CADM2: variants seen among roughly 807,000 people sequenced by gnomAD.
CADM2 encodes cell adhesion molecule 2.
In CADM2, 12 loss-of-function variants were observed where a neutral mutation model predicts 49.8. That is an observed-to-expected ratio of 0.24 (90% CI 0.15 to 0.39). The LOEUF (loss-of-function observed/expected upper bound fraction) is 0.39. Ranked by LOEUF, CADM2 falls within the 10% of genes least tolerant of loss-of-function variation. The pLI, the probability that CADM2 is intolerant of heterozygous loss-of-function variation, is 1.00. For missense variants in CADM2, 378 were observed against 492.3 expected (o/e 0.77, Z 2.20); for synonymous variants, 214 against 175.4 (o/e 1.22, Z -1.74).
intron 1 of CADM2, among the ~76,000 whole-genome samples, chr3:85,095,640 A>G (rs1404896098): frequency 1.3e-5 from 2 of 152,202 alleles, no homozygotes; most frequent in Non-Finnish European, 2.9e-5. Context: ...CCCTAAATAC[A>G]TATTAGTATA....
intron 1 of CADM2, among the ~76,000 whole-genome samples, chr3:85,290,396 A>G (rs1172433321): frequency 6.6e-6 from 1 of 152,224 alleles, no homozygotes; most frequent in Non-Finnish European, 1.5e-5. Context: ...TTGCTTAGGT[A>G]AACAAAGCAG....
intron 3 of CADM2, among the ~76,000 whole-genome samples, chr3:85,829,853 T>C (rs1205271923): frequency 6.6e-6 from 1 of 152,046 alleles, no homozygotes; most frequent in Non-Finnish European, 1.5e-5. Flanking sequence ...AATTTCCCTT[T>C]TTTAAAAGGC....
chr3:85,943,805 T>G lies in CADM2; in HGVS notation c.791+7948T>G, dbSNP rs141006024. Among the ~76,000 whole-genome samples, 288 of 151,854 alleles carry G rather than the reference T, an allele frequency of 1.9e-3. 1 individual carries two copies. Among genetic ancestry groups the G allele is most frequent in the African/African-American group, 6.6e-3 (274 of 41,494 alleles). The stretch of plus-strand genomic sequence containing the variant: ...GAAAAACAAGCAATGGGGAAAGGAT[T>G]CCCTATTTAACCATGCCAAATTGTA... On this transcript the variant is annotated intron_variant, in intron 7 of 9. Coordinates refer to ENST00000383699, the MANE Select transcript of CADM2 (RefSeq NM_001167675.2).
chr3:85,886,376 T>C (rs1171802799), intron 5 of CADM2, 49 bp downstream of exon 5: 1 of 1,412,558 alleles, frequency 7.1e-7, no homozygotes, highest in South Asian at 1.2e-5. Context: ...GAAACCAGTA[T>C]GACATGTTAA....
At chr3:85,430,817 C>T (rs2036628655) in intron 1 of CADM2, among the ~76,000 whole-genome samples, 1 of 151,996 alleles carries the variant, frequency 6.6e-6, no homozygotes, top group South Asian at 2.1e-4. Flanking sequence ...GCAAACACTC[C>T]AGCTGGAAAT....
At chr3:85,609,785 G>T (rs1391217668) in intron 1 of CADM2, among the ~76,000 whole-genome samples, 1 of 152,072 alleles carries the variant, frequency 6.6e-6, no homozygotes, top group Non-Finnish European at 1.5e-5. Flanking sequence ...AGCAGTGCTG[G>T]TAAAAACTGA....
At chr3:85,096,497 A>G (rs997488485) in intron 1 of CADM2, among the ~76,000 whole-genome samples, 2 of 152,184 alleles carry the variant, frequency 1.3e-5, no homozygotes, top group African/African-American at 4.8e-5. Context: ...TATTTATTCT[A>G]GAATATCAGG....
intron 1 of CADM2, among the ~76,000 whole-genome samples, chr3:84,964,534 G>C (rs981165995): frequency 1.3e-5 from 2 of 152,102 alleles, no homozygotes; most frequent in African/African-American, 4.8e-5. Context: ...TAAACCCATT[G>C]GCTAAGTCAC....
chr3:85,321,116 A>ATTTTTTTTTTTTTTTTTTT (rs1157576505), intron 1 of CADM2, among the ~76,000 whole-genome samples: 1 of 27,502 alleles, frequency 3.6e-5, no homozygotes, highest in African/African-American at 1.5e-4. Flanking sequence ...ATATATATAT[A>ATTTTTTTTTTTTTTTTTTT]TTTTTTTTTT....
intron 1 of CADM2, among the ~76,000 whole-genome samples, chr3:85,013,196 G>GC (rs1316940413): frequency 6.7e-6 from 1 of 149,814 alleles, no homozygotes; most frequent in Non-Finnish European, 1.5e-5. Flanking sequence ...TCTTTCTTTA[G>GC]CCTGTAGCAA....
At chr3:85,259,692 A>G (rs909679913) in intron 1 of CADM2, among the ~76,000 whole-genome samples, 5 of 152,136 alleles carry the variant, frequency 3.3e-5, no homozygotes, top group Non-Finnish European at 4.4e-5. Flanking sequence ...TATCCAAATC[A>G]CTCAAACCAA....
intron 1 of CADM2, among the ~76,000 whole-genome samples, chr3:85,330,695 G>A (rs751145393): frequency 6.6e-6 from 1 of 151,338 alleles, no homozygotes; most frequent in African/African-American, 2.4e-5. Context: ...AGTGGCTCAT[G>A]CCTATAATTC....
At chr3:85,448,101 G>A in intron 1 of CADM2, among the ~76,000 whole-genome samples, 1 of 152,074 alleles carries the variant, frequency 6.6e-6, no homozygotes, top group South Asian at 2.1e-4. Context: ...GAAGGGCGAG[G>A]CGGGCGGATC....
intron 8 of CADM2, among the ~76,000 whole-genome samples, chr3:86,036,080 C>A (rs569973623): frequency 7.0e-4 from 107 of 152,184 alleles, no homozygotes; most frequent in Middle Eastern, 6.8e-3. Flanking sequence ...CCTTCCAATA[C>A]CATTGCTTTG....
intron 6 of CADM2, among the ~76,000 whole-genome samples, chr3:85,919,363 A>G (rs1000142877): frequency 6.6e-6 from 1 of 151,984 alleles, no homozygotes; most frequent in South Asian, 2.1e-4. Context: ...AATTCTGAGT[A>G]TCAAGGAAAG....
chr3:84,986,677 A>G (rs565685156), intron 1 of CADM2, among the ~76,000 whole-genome samples: 4 of 152,012 alleles, frequency 2.6e-5, no homozygotes, highest in Admixed American at 1.3e-4. Context: ...CGGGTGCAGC[A>G]CACCAGCATG....
intron 8 of CADM2, among the ~76,000 whole-genome samples, chr3:86,005,804 T>A (rs1294384887): frequency 3.3e-5 from 5 of 152,172 alleles, no homozygotes; most frequent in East Asian, 1.9e-4. Context: ...AAATGGTAGG[T>A]CTTATTCTTT....
intron 1 of CADM2, among the ~76,000 whole-genome samples, chr3:85,400,506 G>T (rs9849542): frequency 1.1e-3 from 161 of 151,804 alleles, no homozygotes; most frequent in African/African-American, 3.8e-3. Context: ...ATTGATTGGA[G>T]TAGTTTCAGA....
intron 1 of CADM2, among the ~76,000 whole-genome samples, chr3:85,410,645 TA>T (rs2035614946): frequency 1.3e-5 from 2 of 152,314 alleles, no homozygotes; most frequent in Middle Eastern, 3.4e-3. Flanking sequence ...TAAAAAGAGT[TA>T]AACTCCTTTT....
Sources: gnomAD v4.1 joint callset for allele counts (sites outside exome capture counted in the v4.1 genomes callset) on GRCh38, gnomAD v4.1.1 for gene constraint, MANE v1.5 for transcripts, NCBI Gene and HGNC (gene_info 2026-07-23, HGNC 2026-07-21) for gene names.